Variants in L2HGDH observed in about 807,000 individuals in gnomAD.
L2HGDH encodes the protein L-2-hydroxyglutarate dehydrogenase, mitochondrial.
A neutral mutation model predicts 51.5 loss-of-function variants in L2HGDH; 34 were observed. That is an observed-to-expected ratio of 0.66 (90% CI 0.50 to 0.88). The LOEUF (loss-of-function observed/expected upper bound fraction) is 0.88, where lower values mean the gene tolerates loss of function less well. Ranked by LOEUF, L2HGDH falls within the 40% of genes least tolerant of loss-of-function variation. The probability of loss-of-function intolerance (pLI) is 0.00; values close to 1 mark genes in which losing one functional copy is unlikely to be tolerated. For synonymous variants in L2HGDH, 198 were observed against 197.9 expected (o/e 1.00, Z -0.01); for missense variants, 558 against 571.9 (o/e 0.98, Z 0.25).
intron 9 of L2HGDH, among the ~76,000 whole-genome samples, chr14:50,255,830 C>A (rs1888636329): frequency 6.6e-6 from 1 of 152,006 alleles, no homozygotes; most frequent in South Asian, 2.1e-4. Context: ...GAGTTCCAGA[C>A]CAGCCTGGCC....
At chr14:50,258,741 T>C (rs1021310597) in intron 9 of L2HGDH, among the ~76,000 whole-genome samples, 2 of 152,068 alleles carry the variant, frequency 1.3e-5, no homozygotes, top group Non-Finnish European at 2.9e-5. Flanking sequence ...TTGGAACTCC[T>C]AGCCTCAAGA....
chr14:50,288,788 T>C (rs758992096), intron 4 of L2HGDH, among the ~76,000 whole-genome samples: 3 of 152,142 alleles, frequency 2.0e-5, no homozygotes, highest in Non-Finnish European at 2.9e-5. Flanking sequence ...TTTTGTTCTC[T>C]GTTTCTGCTT....
At position 50,312,125 on chromosome 14, in the gene L2HGDH, AC is replaced by A; in HGVS notation, c.25del (p.Val9LeufsTer43). MVPALRYL[V>X]GACGRARGLF... ...CCCGCGGGCCCGTCCGCAGGCACCA[AC>A]CAAATAACGCAGCGCTGGCACCATC... On this transcript the variant is annotated frameshift_variant, in exon 1 of 10. Coordinates refer to ENST00000267436, the MANE Select transcript of L2HGDH (RefSeq NM_024884.3). LOFTEE classifies it high-confidence loss of function. 2 of 1,610,384 alleles carry A rather than the reference AC, an allele frequency of 1.2e-6. No homozygotes were observed. The highest frequency in any genetic ancestry group is 1.7e-6 in the Non-Finnish European group (2 of 1,178,998).
intron 1 of L2HGDH, among the ~76,000 whole-genome samples, chr14:50,309,557 G>T: frequency 9.1e-6 from 1 of 109,882 alleles, no homozygotes; most frequent in Non-Finnish European, 2.0e-5. Context: ...GCGAGACTTC[G>T]TGTTAAAAAA....
chr14:50,260,013 T>C (rs1312797248), intron 9 of L2HGDH, among the ~76,000 whole-genome samples: 13 of 124,856 alleles, frequency 1.0e-4, no homozygotes, highest in South Asian at 5.0e-4. Flanking sequence ...GAGAGAGAGA[T>C]TGATTGAAGC....
intron 9 of L2HGDH, among the ~76,000 whole-genome samples, chr14:50,249,391 ACTC>A (rs1003190539): frequency 6.6e-6 from 1 of 151,806 alleles, no homozygotes; most frequent in Non-Finnish European, 1.5e-5. Flanking sequence ...AATAGAAGTG[ACTC>A]CTTTCTTCTG....
At position 50,246,950 on chromosome 14, in the gene L2HGDH, G is replaced by C; in HGVS notation, c.*108C>G. ...TTTTAACAATGCAGTGGTTATCTTT[G>C]ACCTAAAAACTAAAGTTTAAAAACC... is the stretch of plus-strand genomic sequence containing the variant. On this transcript the variant is annotated 3_prime_UTR_variant, in exon 10 of 10. Transcript: ENST00000267436. 1 of 1,418,610 alleles carries C rather than the reference G, an allele frequency of 7.0e-7. No homozygotes were observed. Among genetic ancestry groups the C allele is most frequent in the Non-Finnish European group, 9.5e-7 (1 of 1,053,686 alleles). The allele number at this position is 1,418,610 out of a possible 1,614,324, so 87.9% of individuals were successfully genotyped here.
At chr14:50,289,350 CAG>C (rs772978796) in intron 4 of L2HGDH, among the ~76,000 whole-genome samples, 8 of 152,074 alleles carry the variant, frequency 5.3e-5, no homozygotes, top group African/African-American at 1.4e-4. Context: ...GAAATACAAA[CAG>C]GGGGAAGAAT....
At chr14:50,283,179 C>T (rs181131507) in intron 5 of L2HGDH, among the ~76,000 whole-genome samples, 22 of 151,516 alleles carry the variant, frequency 1.5e-4, no homozygotes, top group Non-Finnish European at 2.9e-4. Flanking sequence ...CCAGCCTAGG[C>T]AACAGAGCAA....
At chr14:50,275,678 C>T (rs999463004) in intron 6 of L2HGDH, among the ~76,000 whole-genome samples, 18 of 152,216 alleles carry the variant, frequency 1.2e-4, no homozygotes, top group African/African-American at 4.1e-4. Flanking sequence ...CACTAGCTGG[C>T]TGGCAACTCC....
rs549643103 is a variant in L2HGDH at position 50,308,352 on chromosome 14, G to A, written c.140+3659C>T. ...CGGTGAGCCGAGACCGCGCCACTGCGCTCCAGCCTGGGCAACAAGGCGAAA... is the reference window on the plus strand; with the variant it reads ...CGGTGAGCCGAGACCGCGCCACTGCACTCCAGCCTGGGCAACAAGGCGAAA... On this transcript the variant is annotated intron_variant, in intron 1 of 9. Coordinates refer to ENST00000267436, the MANE Select transcript of L2HGDH (RefSeq NM_024884.3). Among the ~76,000 whole-genome samples, 11 of 148,008 alleles carry A rather than the reference G, an allele frequency of 7.4e-5. No individual in the cohort carries two copies. The East Asian group carries it at 2.0e-3, about 27-fold the overall frequency.
chr14:50,299,431 T>C (rs1158982481), intron 3 of L2HGDH, among the ~76,000 whole-genome samples: 1 of 152,172 alleles, frequency 6.6e-6, no homozygotes, highest in Non-Finnish European at 1.5e-5. Context: ...ACTCAAACTA[T>C]TCCATAAAGT....
At chr14:50,295,537 G>A (rs1347735068) in intron 3 of L2HGDH, among the ~76,000 whole-genome samples, 1 of 149,530 alleles carries the variant, frequency 6.7e-6, no homozygotes, top group South Asian at 2.1e-4. Flanking sequence ...CTCCCTAGAA[G>A]CTGGGACTAC....
rs576003034 is a variant in L2HGDH, at chr14:50,283,863, T to G, written c.703+8A>C. 2 of 1,613,252 alleles carry G rather than the reference T, an allele frequency of 1.2e-6. No homozygotes were observed. Among genetic ancestry groups the G allele is most frequent in the African/African-American group, 1.3e-5 (1 of 75,036 alleles). On this transcript the variant is annotated splice_region_variant and intron_variant, in intron 5 of 9. Transcript: ENST00000267436. ...CTATATTCAATAGAAAAGACAAGGA[T>G]GGCTTACCATCTATACTTCTTGAAG...
Position 50,302,992 on chromosome 14 carries a change from C to T in L2HGDH, c.166G>A (p.Gly56Ser), listed in dbSNP as rs1193487271. Residue 56 changes from glycine to serine, a missense_variant, in exon 2 of 10, where the codon GGC becomes AGC. By Grantham distance (56) the Gly-to-Ser change is moderately conservative. This residue lies in a region of L2HGDH where 194 missense variants were observed against 187.2 expected (regional missense o/e 1.04). Transcript: ENST00000267436. ...TSSFDIVIVG[G>S]GIVGLASARA... Reference sequence around the variant, plus strand: ...GCAGAGGCAAGCCCCACAATTCCGCCACCAACGATGACTATATCAAATGAG... The same window carrying T: ...GCAGAGGCAAGCCCCACAATTCCGCTACCAACGATGACTATATCAAATGAG... 6.2e-7 allele frequency: 1 copy of T among 1,612,680 alleles called. No homozygotes were observed. Among genetic ancestry groups the T allele is most frequent in the Admixed American group, 1.7e-5 (1 of 60,022 alleles).
intron 4 of L2HGDH, among the ~76,000 whole-genome samples, chr14:50,285,730 C>A (rs572075970): frequency 6.6e-6 from 1 of 152,204 alleles, no homozygotes; most frequent in South Asian, 2.1e-4. Flanking sequence ...TCCTATTACC[C>A]AGCACAACGT....
In L2HGDH at chr14:50,243,516, C is replaced by A; in HGVS notation, c.*3542G>T. The A allele has an allele frequency of 1.4e-6, 1 of 735,852 alleles. No homozygotes were observed. 45.6% of individuals were successfully genotyped at this position (735,852 alleles called of 1,614,324 possible). ...ATATTTTAAATATTAATATACATTT[C>A]TTCTGTCAGAAATACATAAAACTTT... On this transcript the variant is annotated 3_prime_UTR_variant, in exon 10 of 10. Coordinates refer to ENST00000267436, the MANE Select transcript of L2HGDH (RefSeq NM_024884.3).
intron 4 of L2HGDH, chr14:50,293,273 C>A: frequency 1.4e-6 from 1 of 702,238 alleles, no homozygotes. Context: ...GATGCTGACA[C>A]AACTGGATAT....
intron 1 of L2HGDH, among the ~76,000 whole-genome samples, chr14:50,307,818 TA>T (rs906970122): frequency 6.6e-6 from 1 of 152,126 alleles, no homozygotes; most frequent in African/African-American, 2.4e-5. Context: ...CCATTATAGT[TA>T]AAAAAACTAA....
Sources: allele counts gnomAD v4.1 joint callset (sites outside exome capture counted in the v4.1 genomes callset), GRCh38; gene constraint gnomAD v4.1.1; regional missense constraint gnomAD v4.1.1; transcripts MANE v1.5; gene names NCBI Gene and HGNC (gene_info 2026-07-23, HGNC 2026-07-21).